Variants in ACP3 observed in about 807,000 individuals in gnomAD.
ACP3 encodes acid phosphatase 3, also known as prostatic acid phosphatase.
ACP3 carries 38 observed loss-of-function variants against 45.6 expected under a neutral mutation model. The ratio of observed to expected loss-of-function variants is 0.83; its 90% CI spans 0.64 to 1.09. The LOEUF is 1.09. ACP3 is among the 50% of genes least tolerant of loss of function. The pLI is 0.00. For missense variants in ACP3, 466 were observed against 463.2 expected, an observed-to-expected ratio of 1.01 and a Z score of -0.05; for synonymous variants, 162 against 164.7, an observed-to-expected ratio of 0.98 and a Z score of 0.13.
Position 132,332,279 on chromosome 3 carries a change from A to G in ACP3, c.391A>G (p.Ile131Val), listed in dbSNP as rs1403353330. 12 of 1,613,994 alleles carry G rather than the reference A, an allele frequency of 7.4e-6. No individual in the cohort carries two copies. Among genetic ancestry groups the G allele is most frequent in the Non-Finnish European group, 1.0e-5 (12 of 1,180,014 alleles). The change falls in exon 4 of 10, where the codon ATC becomes GTC. Residue 131 changes from isoleucine to valine, a missense_variant. By Grantham distance (29) the Ile-to-Val change is conservative. Coordinates refer to ENST00000336375, the MANE Select transcript of ACP3 (RefSeq NM_001099.5). Reference protein sequence around the residue: ...AALFPPEGVSIWNPILLWQPI... With the variant: ...AALFPPEGVSVWNPILLWQPI... ...CCTGTTTCCCCCAGAAGGTGTCAGC[A>G]TCTGGAATCCTATCCTACTCTGGCA...
At chr3:132,332,521 G>A in intron 4 of ACP3, 177 bp downstream of exon 4, 3 of 746,432 alleles carry the variant, frequency 4.0e-6, no homozygotes, top group South Asian at 2.0e-5. Flanking sequence ...CTAAGAGAGA[G>A]TAGGAACCAA....
At chr3:132,346,638 A>G (rs1309525614) in intron 7 of ACP3, among the ~76,000 whole-genome samples, 1 of 152,206 alleles carries the variant, frequency 6.6e-6, no homozygotes, top group Non-Finnish European at 1.5e-5. Context: ...CTTAACAACA[A>G]AAGATGTAGA....
intron 2 of ACP3, among the ~76,000 whole-genome samples, chr3:132,328,991 A>T (rs557201879): frequency 6.6e-6 from 1 of 152,336 alleles, no homozygotes; most frequent in East Asian, 1.9e-4. Flanking sequence ...AGCTGGATAT[A>T]TTGGGATTTG....
chr3:132,357,567 C>T lies in ACP3; in HGVS notation c.*689C>T. On this transcript the variant is annotated 3_prime_UTR_variant, in exon 10 of 10. Coordinates refer to ENST00000336375, the MANE Select transcript of ACP3 (RefSeq NM_001099.5). Reference sequence around the variant, plus strand: ...TCCTTTTAAAGAAACAAAAATCAAACTTTACAGAAAGATTTGATGTATGTA... The same window carrying T: ...TCCTTTTAAAGAAACAAAAATCAAATTTTACAGAAAGATTTGATGTATGTA... The T allele has an allele frequency of 1.0e-6, 1 of 984,182 alleles. No homozygotes were observed. Among genetic ancestry groups the T allele is most frequent in the Non-Finnish European group, 1.2e-6 (1 of 828,810 alleles). The allele number at this position is 984,182 out of a possible 1,614,324, so 61.0% of individuals were successfully genotyped here.
downstream of ACP3, among the ~76,000 whole-genome samples, chr3:132,361,235 A>G (rs1938035217): frequency 6.6e-6 from 1 of 152,216 alleles, no homozygotes; most frequent in Non-Finnish European, 1.5e-5. Context: ...GTTCAATGAT[A>G]TCCAGCACCG....
At chr3:132,319,422 G>A (rs1937166223) in intron 1 of ACP3, among the ~76,000 whole-genome samples, 1 of 152,126 alleles carries the variant, frequency 6.6e-6, no homozygotes, top group Non-Finnish European at 1.5e-5. Context: ...GTGCTTACAA[G>A]GCACTGTTCT....
downstream of ACP3, among the ~76,000 whole-genome samples, chr3:132,361,685 A>G (rs574031822): frequency 8.4e-4 from 128 of 152,306 alleles, 3 homozygotes; most frequent in South Asian, 0.026. Context: ...GTTTGTCCCA[A>G]AAGTCTGACT....
chr3:132,364,995 T>C (rs1032622224), intron 10 of ACP3, among the ~76,000 whole-genome samples: 1 of 152,268 alleles, frequency 6.6e-6, no homozygotes, highest in African/African-American at 2.4e-5. Context: ...CTAATGAGAC[T>C]GTCTCTCAGG....
At chr3:132,347,908 G>A (rs1173384848) in intron 7 of ACP3, among the ~76,000 whole-genome samples, 2 of 150,666 alleles carry the variant, frequency 1.3e-5, no homozygotes, top group East Asian at 1.9e-4. Flanking sequence ...GGATCATATG[G>A]CTGGTCATAT....
At chr3:132,351,770 C>T (rs1937746827) in intron 8 of ACP3, among the ~76,000 whole-genome samples, 1 of 151,710 alleles carries the variant, frequency 6.6e-6, no homozygotes, top group South Asian at 2.1e-4. Context: ...AATATGTGCA[C>T]GCTGCCATAC....
At chr3:132,326,787 A>AC (rs1937305638) in intron 1 of ACP3, among the ~76,000 whole-genome samples, 1 of 152,232 alleles carries the variant, frequency 6.6e-6, no homozygotes, top group Non-Finnish European at 1.5e-5. Flanking sequence ...TTTCAATGGA[A>AC]CATTTTAGCC....
chr3:132,321,243 G>A (rs373916322), intron 1 of ACP3, among the ~76,000 whole-genome samples: 6 of 151,644 alleles, frequency 4.0e-5, no homozygotes, highest in East Asian at 1.9e-4. Context: ...TTGGAAAGCC[G>A]AAACAGAAGG....
chr3:132,361,582 A>G (rs1938041234), downstream of ACP3, among the ~76,000 whole-genome samples: 1 of 152,214 alleles, frequency 6.6e-6, no homozygotes, highest in African/African-American at 2.4e-5. Flanking sequence ...GAATGTAGAC[A>G]TTTTATTCCA....
In ACP3 at chr3:132,356,856, G is replaced by A; in HGVS notation, c.1139G>A (p.Gly380Asp). Residue 380 changes from glycine to aspartate, a missense_variant, in exon 10 of 10, where the codon GGT (glycine) becomes GAT (aspartate). Transcript: ENST00000336375. ...TECMTTNSHQ[G>D]TEDSTD Reference sequence around the variant, plus strand: ...TGTATGACCACAAACAGCCATCAAGGTACTGAAGACAGTACAGATTAGTGT... The same window carrying A: ...TGTATGACCACAAACAGCCATCAAGATACTGAAGACAGTACAGATTAGTGT... 4 of 1,614,104 alleles carry A rather than the reference G, an allele frequency of 2.5e-6. No individual in the cohort carries two copies. Among genetic ancestry groups the A allele is most frequent in the Non-Finnish European group, 2.5e-6 (3 of 1,180,022 alleles).
At chr3:132,367,625 G>T in intron 10 of ACP3, 1 of 1,158,752 alleles carries the variant, frequency 8.6e-7, no homozygotes. Context: ...AATTAAGGCA[G>T]AAAGCAACAC....
chr3:132,366,238 C>T (rs1204318399), intron 10 of ACP3, among the ~76,000 whole-genome samples: 1 of 146,120 alleles, frequency 6.8e-6, no homozygotes, highest in Non-Finnish European at 1.5e-5. Context: ...GCAGTCGAGG[C>T]TGCATGAGCC....
In ACP3 at chr3:132,358,806, T is replaced by C; in HGVS notation, c.*1928T>C. 1.0e-6 allele frequency: 1 copy of C among 985,380 alleles called. No individual in the cohort carries two copies. The highest frequency in any genetic ancestry group is 4.7e-5 in the South Asian group (1 of 21,300). The allele number at this position is 985,380 out of a possible 1,614,324, so 61.0% of individuals were successfully genotyped here. On this transcript the variant is annotated 3_prime_UTR_variant, in exon 10 of 10. Transcript: ENST00000336375. ...TTAGAAAAACGTATGTGTGTGTGTTTAATTAGAATAAAATTCCTCTAGGCA... is the reference window on the plus strand; with the variant it reads ...TTAGAAAAACGTATGTGTGTGTGTTCAATTAGAATAAAATTCCTCTAGGCA...
intron 7 of ACP3, among the ~76,000 whole-genome samples, chr3:132,349,108 G>A (rs1937659629): frequency 6.8e-6 from 1 of 147,798 alleles, no homozygotes; most frequent in South Asian, 2.2e-4. Context: ...AGACATCTCT[G>A]AAGCAACATG....
intron 6 of ACP3, among the ~76,000 whole-genome samples, chr3:132,344,483 C>G (rs989996637): frequency 1.3e-5 from 2 of 151,920 alleles, no homozygotes; most frequent in Non-Finnish European, 2.9e-5. Context: ...CAAACTAGAC[C>G]TTGATGGGGG....
Sources: gnomAD v4.1 joint callset for allele counts (sites outside exome capture counted in the v4.1 genomes callset) on GRCh38, gnomAD v4.1.1 for gene constraint, MANE v1.5 for transcripts, NCBI Gene and HGNC (gene_info 2026-07-23, HGNC 2026-07-21) for gene names.